RUFY2: variants seen among roughly 807,000 people sequenced by gnomAD.
The protein encoded by RUFY2 is RUN and FYVE domain containing 2, also known as RUN and FYVE domain-containing protein 2.
RUFY2 carries 49 observed loss-of-function variants against 94.4 expected under a neutral mutation model. The observed-to-expected ratio is 0.52, with a 90% CI of 0.41 to 0.66. RUFY2 has a LOEUF of 0.66. Ranked by LOEUF, RUFY2 falls within the 30% of genes least tolerant of loss-of-function variation. RUFY2 has a pLI of 0.00. For synonymous variants in RUFY2, 255 were observed against 235.7 expected (o/e 1.08, Z -0.75); for missense variants, 541 against 692.8 (o/e 0.78, Z 2.46).
chr10:68,367,967 CTTTTTTT>C (rs748208331), intron 13 of RUFY2, among the ~76,000 whole-genome samples: 1 of 139,000 alleles, frequency 7.2e-6, no homozygotes, highest in East Asian at 2.1e-4. Flanking sequence ...TGTGGGTTGT[CTTTTTTT>C]TTTTTTTTTG....
At chr10:68,378,506 A>G (rs1262948342) in intron 12 of RUFY2, 10 of 1,429,988 alleles carry the variant, frequency 7.0e-6, no homozygotes, top group Admixed American at 5.7e-5. Context: ...TCTATTTAAT[A>G]TATTATAAAA....
chr10:68,371,787 G>GT (rs753720905), intron 13 of RUFY2, among the ~76,000 whole-genome samples: 3 of 152,034 alleles, frequency 2.0e-5, no homozygotes, highest in Non-Finnish European at 2.9e-5. Flanking sequence ...TTTGAAAGCA[G>GT]TAAGACAGAA....
chr10:68,342,951 A>ATG (rs1283871499), downstream of RUFY2: 2 of 152,234 alleles, frequency 1.3e-5, no homozygotes, highest in Non-Finnish European at 1.5e-5. Context: ...TCCATGTCAT[A>ATG]GTCAATAAAA....
chr10:68,399,304 C>T (rs749479778), intron 3 of RUFY2, among the ~76,000 whole-genome samples: 7 of 152,184 alleles, frequency 4.6e-5, no homozygotes, highest in Non-Finnish European at 1.0e-4. Context: ...TCTCAGCCTC[C>T]AAAGTTCTGG....
intron 13 of RUFY2, among the ~76,000 whole-genome samples, chr10:68,366,855 TAA>T: frequency 7.2e-6 from 1 of 138,804 alleles, no homozygotes; most frequent in Non-Finnish European, 1.5e-5. Flanking sequence ...TATAAATAAA[TAA>T]ATATATTAAA....
chr10:68,383,687 C>A, intron 10 of RUFY2, 111 bp downstream of exon 10: 1 of 759,806 alleles, frequency 1.3e-6, no homozygotes, highest in Non-Finnish European at 2.3e-6. Flanking sequence ...GGTGAGCTTG[C>A]TACATACCAC....
At chr10:68,387,242 A>C (rs1029026027) in intron 7 of RUFY2, among the ~76,000 whole-genome samples, 2 of 152,048 alleles carry the variant, frequency 1.3e-5, no homozygotes, top group Non-Finnish European at 2.9e-5. Flanking sequence ...CTGTAATCCC[A>C]GCTACTTGGG....
chr10:68,406,687 G>A (rs764219269), intron 1 of RUFY2: 53 of 1,393,422 alleles, frequency 3.8e-5, no homozygotes, highest in Non-Finnish European at 4.8e-5. Flanking sequence ...CTCTCTTCCT[G>A]CCCCCTCCCC....
chr10:68,383,833 T>C lies in RUFY2; in HGVS notation c.904A>G (p.Arg302Gly). The C allele has an allele frequency of 6.2e-7, 1 of 1,613,848 alleles. No homozygotes were observed. ...QGLDEMYNEA[R>G]RQLRDESQLR... ...TGAGATTCATCTCGAAGCTGCCTTC[T>C]GGCTTCATTGTACATTTCATCTAGC... Residue 302 changes from arginine (R) to glycine (G), a missense_variant, in exon 10 of 18, where the codon AGA (arginine) becomes GGA (glycine). Physicochemically the swap from Arg to Gly is moderately radical, Grantham distance 125. Coordinates refer to ENST00000602465, the MANE Select transcript of RUFY2 (RefSeq NM_001330103.2).
chr10:68,401,534 G>A (rs963234056), intron 3 of RUFY2, 86 bp downstream of exon 3: 5 of 762,206 alleles, frequency 6.6e-6, no homozygotes, highest in Middle Eastern at 2.4e-4. Flanking sequence ...ACTAAGAGAA[G>A]ACAATAAGCT....
At chr10:68,407,141 C>A in intron 1 of RUFY2, 45 bp downstream of exon 1, 2 of 1,509,362 alleles carry the variant, frequency 1.3e-6, no homozygotes, top group Non-Finnish European at 1.8e-6. Flanking sequence ...GGCCCTCAGC[C>A]CGGGACTGAG....
chr10:68,381,338 T>C lies in RUFY2; in HGVS notation c.1001A>G (p.Lys334Arg), dbSNP rs373227054. Residue 334 changes from lysine to arginine, a missense_variant, in exon 11 of 18, where the codon AAG becomes AGG. Around this residue, in one of 3 missense-constraint regions of RUFY2, gnomAD observed 403 missense variants for 480.7 expected, o/e 0.84. Coordinates refer to ENST00000602465, the MANE Select transcript of RUFY2 (RefSeq NM_001330103.2). ...CTCATGGATATCTTTCTCCAGCAAC[T>C]TCATGGCAAGTTCAATCTCATGCTT... ...SMKHEIELAM[K>R]LLEKDIHEKQ... The C allele has an allele frequency of 3.7e-6, 6 of 1,613,908 alleles. No homozygotes were observed. The highest frequency in any genetic ancestry group is 5.1e-6 in the Non-Finnish European group (6 of 1,179,978).
intron 7 of RUFY2, among the ~76,000 whole-genome samples, chr10:68,386,419 G>A (rs918591019): frequency 6.6e-6 from 1 of 152,036 alleles, no homozygotes; most frequent in Non-Finnish European, 1.5e-5. Flanking sequence ...GCACGATCTC[G>A]GCTCACTGCA....
At chr10:68,394,854 C>T (rs911490409) in intron 4 of RUFY2, among the ~76,000 whole-genome samples, 3 of 151,820 alleles carry the variant, frequency 2.0e-5, no homozygotes, top group African/African-American at 7.2e-5. Flanking sequence ...TAGTCTCGAT[C>T]TCCTGACCTC....
Position 68,393,081 on chromosome 10 carries a change from A to G in RUFY2, c.650+57T>C, listed in dbSNP as rs867604173. On this transcript the variant is annotated intron_variant, in intron 7 of 17. Transcript: ENST00000602465. ...AAAGGAATACGGTAAGCTGAAGGGA[A>G]AAAAACAAAAACCTAAGACAATATT... The G allele has an allele frequency of 6.0e-5, 63 of 1,047,770 alleles. No homozygotes were observed. In the Middle Eastern group the frequency reaches 1.3e-3, roughly 21 times the overall value. 64.9% of individuals were successfully genotyped at this position (1,047,770 alleles called of 1,614,324 possible).
At chr10:68,381,431 C>A (rs1379252793) in intron 10 of RUFY2, 32 bp from the exon 11 acceptor site, 1 of 1,586,018 alleles carries the variant, frequency 6.3e-7, no homozygotes, top group Admixed American at 1.8e-5. Context: ...AATTCACATG[C>A]CACTTCAGGA....
chr10:68,365,988 G>T (rs1250175584), intron 13 of RUFY2, among the ~76,000 whole-genome samples: 1 of 152,108 alleles, frequency 6.6e-6, no homozygotes, highest in Non-Finnish European at 1.5e-5. Flanking sequence ...TAAATATATT[G>T]TAAGAATACA....
At chr10:68,393,094 C>T (rs2050127912) in intron 7 of RUFY2, 44 bp downstream of exon 7, 3 of 1,171,500 alleles carry the variant, frequency 2.6e-6, no homozygotes, top group Admixed American at 2.2e-5. Flanking sequence ...AAACAAAAAC[C>T]TAAGACAATA....
intron 1 of RUFY2, chr10:68,406,865 C>A: frequency 6.2e-7 from 1 of 1,607,114 alleles, no homozygotes; most frequent in South Asian, 1.1e-5. Flanking sequence ...AAAGTCATCG[C>A]CCCTCCCCGC....
Sources: gnomAD v4.1 joint callset for allele counts (sites outside exome capture counted in the v4.1 genomes callset) on GRCh38, gnomAD v4.1.1 for gene constraint, gnomAD v4.1.1 regional missense constraint, MANE v1.5 for transcripts, NCBI Gene and HGNC (gene_info 2026-07-23, HGNC 2026-07-21) for gene names.